Variants in TBC1D5 observed in about 807,000 individuals in gnomAD.
TBC1D5 encodes TBC1 domain family, member 5.
Under a neutral mutation model 100.3 loss-of-function variants are expected in TBC1D5, and 75 were observed. The observed-to-expected ratio is 0.75, with a 90% CI of 0.62 to 0.91. The LOEUF is 0.91. Ranked by LOEUF, TBC1D5 falls within the 40% of genes least tolerant of loss-of-function variation. TBC1D5 has a pLI of 0.00. For synonymous variants in TBC1D5, 323 were observed against 325.6 expected (o/e 0.99, Z 0.09); for missense variants, 910 against 942.4 (o/e 0.97, Z 0.45).
chr3:17,697,360 C>T (rs2072297382), intron 1 of TBC1D5, among the ~76,000 whole-genome samples: 1 of 152,146 alleles, frequency 6.6e-6, no homozygotes, highest in South Asian at 2.1e-4. Context: ...AAAACCCCAT[C>T]GTCTCAGCCC....
At position 17,439,667 on chromosome 3, in the gene TBC1D5, T is replaced by G. The variant is rs1277209364; in HGVS notation, c.98-11148A>C. Among the ~76,000 whole-genome samples, 3 of 152,186 alleles carry G rather than the reference T, an allele frequency of 2.0e-5. No homozygotes were observed. The East Asian group carries it at 5.8e-4, about 29-fold the overall frequency. ...ACATTAAGGAATTACTGTACTGTTC[T>G]TTCCTTTTTCAAAGAAAAGAATTCT... is the stretch of plus-strand genomic sequence containing the variant. On this transcript the variant is annotated intron_variant, in intron 3 of 21. Coordinates refer to ENST00000253692, the Ensembl canonical transcript of TBC1D5.
chr3:17,359,683 A>C (rs997547937), intron 13 of TBC1D5, among the ~76,000 whole-genome samples: 7 of 152,058 alleles, frequency 4.6e-5, no homozygotes, highest in African/African-American at 1.7e-4. Flanking sequence ...TCAAAGACAC[A>C]CAATGTAATC....
rs1219308493 is a variant in TBC1D5, at chr3:17,401,352, A to ATG, written c.509+1828_509+1829insCA. The stretch of plus-strand genomic sequence containing the variant: ...ATATACATATATGTATAATATACAT[A>ATG]TATATGTATGTGTATAATATACATA... On this transcript the variant is annotated intron_variant, in intron 8 of 21. Transcript: ENST00000253692. Among the ~76,000 whole-genome samples, 48 of 115,476 alleles carry ATG rather than the reference A, an allele frequency of 4.2e-4. 1 individual carries two copies. The highest frequency in any genetic ancestry group is 2.0e-3 in the African/African-American group (47 of 23,352). 75.8% of individuals were successfully genotyped at this position (115,476 alleles called of 152,430 possible).
chr3:17,449,010 G>A (rs1376629603), intron 3 of TBC1D5, among the ~76,000 whole-genome samples: 3 of 152,202 alleles, frequency 2.0e-5, no homozygotes, highest in Non-Finnish European at 4.4e-5. Context: ...GAAGGCAGGT[G>A]ATTTCTGCAT....
intron 1 of TBC1D5, among the ~76,000 whole-genome samples, chr3:17,631,184 T>C (rs572147783): frequency 6.6e-6 from 1 of 152,118 alleles, no homozygotes; most frequent in Non-Finnish European, 1.5e-5. Flanking sequence ...TTAGTGCCGA[T>C]ATGAAGAAAG....
rs376938519 is a variant in TBC1D5 at position 17,422,906 on chromosome 3, G to C, written c.167+5544C>G. ...GATACATACAAATCTTTGTGCCAAA[G>C]CTTGAAGCCTAATTTTTCAAATTTA... is the stretch of plus-strand genomic sequence containing the variant. On this transcript the variant is annotated intron_variant, in intron 4 of 21. Coordinates refer to ENST00000253692, the Ensembl canonical transcript of TBC1D5. Among the ~76,000 whole-genome samples, 4 of 152,188 alleles carry C rather than the reference G, an allele frequency of 2.6e-5. No homozygotes were observed. In the East Asian group the frequency reaches 7.7e-4, roughly 29 times the overall value.
intron 1 of TBC1D5, among the ~76,000 whole-genome samples, chr3:17,644,508 C>T (rs1560361052): frequency 6.6e-6 from 1 of 152,112 alleles, no homozygotes; most frequent in Non-Finnish European, 1.5e-5. Context: ...GTGCCTGGCA[C>T]ATAACAAATA....
At chr3:17,723,076 A>G (rs2075832684) in intron 1 of TBC1D5, among the ~76,000 whole-genome samples, 2 of 148,782 alleles carry the variant, frequency 1.3e-5, no homozygotes, top group Non-Finnish European at 2.9e-5. Context: ...AAGAATGAAT[A>G]AAACCTACTA....
intron 1 of TBC1D5, among the ~76,000 whole-genome samples, chr3:17,736,769 C>T (rs1361731939): frequency 6.6e-6 from 1 of 152,146 alleles, no homozygotes; most frequent in Non-Finnish European, 1.5e-5. Flanking sequence ...TCCAGCACTC[C>T]AGGAAGCTGG....
intron 3 of TBC1D5, among the ~76,000 whole-genome samples, chr3:17,457,770 T>C (rs1438661235): frequency 1.3e-5 from 2 of 152,176 alleles, no homozygotes. Flanking sequence ...TGTCATCAGA[T>C]GTATGACAGT....
intron 13 of TBC1D5, among the ~76,000 whole-genome samples, chr3:17,349,911 T>C (rs2090351130): frequency 6.6e-6 from 1 of 152,156 alleles, no homozygotes; most frequent in South Asian, 2.1e-4. Flanking sequence ...TTTATATGAG[T>C]ATCACAAGTC....
At chr3:17,589,027 A>G (rs1383515607) in intron 2 of TBC1D5, among the ~76,000 whole-genome samples, 1 of 152,222 alleles carries the variant, frequency 6.6e-6, no homozygotes, top group Non-Finnish European at 1.5e-5. Context: ...AAATTTGTAT[A>G]TAACCAGTGA....
chr3:17,352,683 C>CAAA (rs1363926293), intron 13 of TBC1D5, among the ~76,000 whole-genome samples: 22 of 94,920 alleles, frequency 2.3e-4, no homozygotes, highest in East Asian at 4.4e-4. Flanking sequence ...AAGCAAAAGG[C>CAAA]AAAAAAAAAA....
At chr3:17,445,268 T>C (rs1437131307) in intron 3 of TBC1D5, among the ~76,000 whole-genome samples, 1 of 152,184 alleles carries the variant, frequency 6.6e-6, no homozygotes, top group Non-Finnish European at 1.5e-5. Context: ...AATAATGGCC[T>C]CTTTTCATAT....
chr3:17,298,389 G>C (rs115073434), intron 14 of TBC1D5, among the ~76,000 whole-genome samples: 1 of 152,156 alleles, frequency 6.6e-6, no homozygotes, highest in Non-Finnish European at 1.5e-5. Flanking sequence ...TCCAGTGGAA[G>C]AGAAACATAA....
chr3:17,206,023 A>G (rs946066397), intron 18 of TBC1D5, among the ~76,000 whole-genome samples: 3 of 152,156 alleles, frequency 2.0e-5, no homozygotes, highest in East Asian at 1.9e-4. Flanking sequence ...AATTCTAACT[A>G]CTTTAGATGT....
intron 18 of TBC1D5, among the ~76,000 whole-genome samples, chr3:17,196,500 A>G (rs1293297766): frequency 1.3e-5 from 2 of 152,332 alleles, no homozygotes; most frequent in East Asian, 3.9e-4. Flanking sequence ...AAGAGGGAGG[A>G]CTAATGATAA....
intron 1 of TBC1D5, among the ~76,000 whole-genome samples, chr3:17,729,643 G>A (rs2076399813): frequency 6.6e-6 from 1 of 152,090 alleles, no homozygotes; most frequent in African/African-American, 2.4e-5. Flanking sequence ...GGAGGCAGAG[G>A]TTGCAGTTAG....
chr3:17,410,595 G>A (rs533221161), intron 4 of TBC1D5, among the ~76,000 whole-genome samples: 26 of 152,224 alleles, frequency 1.7e-4, no homozygotes, highest in South Asian at 6.2e-4. Flanking sequence ...TTAGAGATTC[G>A]TGGTGGAAAG....
Sources: allele counts gnomAD v4.1 joint callset (sites outside exome capture counted in the v4.1 genomes callset), GRCh38; gene constraint gnomAD v4.1.1; transcripts MANE v1.5; gene names NCBI Gene and HGNC (gene_info 2026-07-23, HGNC 2026-07-21).